Variants in ZNF800 observed in about 807,000 individuals in gnomAD.
The protein encoded by ZNF800 is zinc finger protein 800.
ZNF800 carries 13 observed loss-of-function variants against 59.5 expected under a neutral mutation model. That is an observed-to-expected ratio of 0.22 (90% CI 0.14 to 0.35). ZNF800 has a LOEUF of 0.35. ZNF800 is among the 10% of genes least tolerant of loss of function. ZNF800 has a pLI of 1.00. For synonymous variants in ZNF800, 266 were observed against 265.7 expected (o/e 1.00, Z -0.01); for missense variants, 621 against 783.7 (o/e 0.79, Z 2.48).
intron 1 of ZNF800, chr7:127,364,901 A>T (rs1800473022): frequency 6.6e-6 from 1 of 152,160 alleles, no homozygotes; most frequent in African/African-American, 2.4e-5. Context: ...GAACAGTGTG[A>T]AAAGTTTGAA....
chr7:127,346,979 T>C (rs1434796585), exon 2 of ZNF800: 1 of 152,438 alleles, frequency 6.6e-6, no homozygotes, highest in Non-Finnish European at 1.5e-5. Context: ...CAACACCCCG[T>C]GCTGTGCCCG....
At chr7:127,383,509 G>A (rs1325566479) in intron 3 of ZNF800, among the ~76,000 whole-genome samples, 1 of 152,172 alleles carries the variant, frequency 6.6e-6, no homozygotes, top group East Asian at 1.9e-4. Flanking sequence ...GAGTCATTGA[G>A]GGTGTGCTTA....
chr7:127,345,772 A>G (rs1800051235), downstream of ZNF800, among the ~76,000 whole-genome samples: 1 of 152,196 alleles, frequency 6.6e-6, no homozygotes, highest in Non-Finnish European at 1.5e-5. Context: ...CTACCACTCT[A>G]TCAAAAACGT....
chr7:127,362,083 C>A (rs1338297876), intron 1 of ZNF800: 1 of 152,094 alleles, frequency 6.6e-6, no homozygotes, highest in Non-Finnish European at 1.5e-5. Flanking sequence ...CAGAATTATT[C>A]CAAGGCCAAG....
chr7:127,374,893 G>C lies in ZNF800; in HGVS notation c.443C>G (p.Ser148Trp), dbSNP rs754742474. 21 of 1,613,744 alleles carry C rather than the reference G, an allele frequency of 1.3e-5. No individual in the cohort carries two copies. Among genetic ancestry groups the C allele is most frequent in the Non-Finnish European group, 1.7e-5 (20 of 1,179,890 alleles). ...GACTTCAATAGGATTATCAGTCCTCGAAATATATTGAAATACTGCATTTTG... is the reference window on the plus strand; with the variant it reads ...GACTTCAATAGGATTATCAGTCCTCCAAATATATTGAAATACTGCATTTTG... ...TNQNAVFQYI[S>W]RTDNPIEVTE... Residue 148 changes from serine (S) to tryptophan (W), a missense_variant, in exon 5 of 6, where the codon TCG (serine) becomes TGG (tryptophan). Coordinates refer to ENST00000265827, the MANE Select transcript of ZNF800 (RefSeq NM_176814.5).
chr7:127,384,389 G>GC (rs1197858838), intron 3 of ZNF800, among the ~76,000 whole-genome samples: 3 of 150,904 alleles, frequency 2.0e-5, no homozygotes, highest in East Asian at 2.0e-4. Flanking sequence ...GCCCGCCGCC[G>GC]CCCCCCAGCT....
In ZNF800 at chr7:127,374,326, G is replaced by A; in HGVS notation, c.1010C>T (p.Pro337Leu). The A allele has an allele frequency of 6.2e-7, 1 of 1,613,150 alleles. No homozygotes were observed. Among genetic ancestry groups the A allele is most frequent in the Non-Finnish European group, 8.5e-7 (1 of 1,179,764 alleles). Residue 337 changes from proline (P) to leucine (L), a missense_variant, in exon 5 of 6, where the codon CCT becomes CTT. Physicochemically the swap from Pro to Leu is moderately conservative, Grantham distance 98. Coordinates refer to ENST00000265827, the MANE Select transcript of ZNF800 (RefSeq NM_176814.5). ...TTTTCGAGTCTTAAAAGATTTTTTA[G>A]GAGAAATAGAATCCAGGAACAAAGG... ...GQPLFLDSIS[P>L]KKSFKTRKQK...
At chr7:127,363,207 T>A (rs577361766) in intron 1 of ZNF800, 2 of 152,088 alleles carry the variant, frequency 1.3e-5, no homozygotes, top group South Asian at 2.1e-4. Flanking sequence ...CATGTGGAGA[T>A]GTCTGACATT....
chr7:127,353,422 G>A (rs73445359), intron 1 of ZNF800, among the ~76,000 whole-genome samples: 5 of 152,278 alleles, frequency 3.3e-5, no homozygotes, highest in Middle Eastern at 6.8e-3. Context: ...GATAACACAC[G>A]TAAAAGCTGT....
chr7:127,384,227 C>T (rs17874695), intron 3 of ZNF800, among the ~76,000 whole-genome samples: 42 of 63,376 alleles, frequency 6.6e-4, no homozygotes, highest in Non-Finnish European at 9.1e-4. Context: ...ATTCTAACTT[C>T]TTTTTTTTTT....
intron 1 of ZNF800, among the ~76,000 whole-genome samples, chr7:127,355,235 T>C (rs1036222779): frequency 1.3e-5 from 2 of 151,946 alleles, no homozygotes; most frequent in African/African-American, 2.4e-5. Flanking sequence ...AGTAGAGCAA[T>C]AGAAAGCTTA....
chr7:127,358,458 A>G (rs1472132132), intron 1 of ZNF800, among the ~76,000 whole-genome samples: 1 of 151,950 alleles, frequency 6.6e-6, no homozygotes, highest in Non-Finnish European at 1.5e-5. Context: ...CCTCCACTCC[A>G]ATTCAGTCCC....
At chr7:127,364,254 GA>G (rs1292759443) in intron 1 of ZNF800, 3 of 152,092 alleles carry the variant, frequency 2.0e-5, no homozygotes, top group Non-Finnish European at 4.4e-5. Context: ...ACCTTCAAGT[GA>G]ACTTTCAACC....
At chr7:127,363,246 AAGG>A (rs776726378) in intron 1 of ZNF800, 41 of 152,096 alleles carry the variant, frequency 2.7e-4, no homozygotes, top group Non-Finnish European at 5.1e-4. Context: ...GTCTTATAAT[AAGG>A]AGAACAGCCA....
At position 127,377,222 on chromosome 7, in the gene ZNF800, T is replaced by G. The variant is rs775468321; in HGVS notation, c.265A>C (p.Lys89Gln). The change falls in exon 4 of 6, where the codon AAA becomes CAA. Residue 89 changes from lysine to glutamine, a missense_variant. By Grantham distance (53) the Lys-to-Gln change is moderately conservative (BLOSUM62 1). Transcript: ENST00000265827. This position sits in a 1 kb window ranked among gnomAD's most constrained non-coding sequence, Gnocchi z 4.7. ...RGLPNLITHK[K>Q]FYCPPSLQMD... ...TGGAGACTTGGTGGGCAGTAGAATT[T>G]TTTATGGGTAATTAAATTTGGTAAT... is the stretch of plus-strand genomic sequence containing the variant. 14 of 1,612,234 alleles carry G rather than the reference T, an allele frequency of 8.7e-6. No homozygotes were observed. The highest frequency in any genetic ancestry group is 1.2e-5 in the Non-Finnish European group (14 of 1,178,880).
chr7:127,375,933 AT>A (rs1800778546), intron 4 of ZNF800, among the ~76,000 whole-genome samples: 1 of 152,000 alleles, frequency 6.6e-6, no homozygotes, highest in South Asian at 2.1e-4. Context: ...TCACAAAAGT[AT>A]TTCTAGAATG....
At chr7:127,347,247 G>A (rs987214581) in exon 2 of ZNF800, 1 of 152,534 alleles carries the variant, frequency 6.6e-6, no homozygotes, top group African/African-American at 2.4e-5. Flanking sequence ...GGAGGGGACT[G>A]GATGTTGGAG....
intron 2 of ZNF800, 106 bp from the exon 3 acceptor site, chr7:127,386,261 A>T: frequency 1.6e-6 from 1 of 630,144 alleles, no homozygotes; most frequent in South Asian, 2.1e-5. Flanking sequence ...ATTAAGGATA[A>T]TCACACTTGT....
At chr7:127,385,738 A>G (rs1278119231) in intron 3 of ZNF800, among the ~76,000 whole-genome samples, 9 of 152,164 alleles carry the variant, frequency 5.9e-5, no homozygotes, top group Admixed American at 5.9e-4. Flanking sequence ...GCCTTTTGAG[A>G]GTTTACACAA....
Sources: gnomAD v4.1 joint callset for allele counts (sites outside exome capture counted in the v4.1 genomes callset) on GRCh38, gnomAD v4.1.1 for gene constraint, Gnocchi (gnomAD v3.1) non-coding constraint, MANE v1.5 for transcripts, NCBI Gene and HGNC (gene_info 2026-07-23, HGNC 2026-07-21) for gene names.